Variants in GLRB observed in about 807,000 individuals in gnomAD.
GLRB encodes the protein glycine receptor beta, also known as glycine receptor subunit beta.
GLRB carries 33 observed loss-of-function variants against 54.2 expected under a neutral mutation model. That is an observed-to-expected ratio of 0.61 (90% CI 0.46 to 0.81). The LOEUF (loss-of-function observed/expected upper bound fraction) is 0.81. GLRB is among the 40% of genes least tolerant of loss of function. The pLI is 0.00. For missense variants in GLRB, 572 were observed against 584.6 expected (o/e 0.98, Z 0.22); for synonymous variants, 209 against 208.2 (o/e 1.00, Z -0.03).
chr4:157,154,606 C>T (rs1731694469), intron 9 of GLRB, among the ~76,000 whole-genome samples: 1 of 151,492 alleles, frequency 6.6e-6, no homozygotes, highest in Non-Finnish European at 1.5e-5. Flanking sequence ...TTTGTATTTT[C>T]AGTAGAGATG....
At chr4:157,128,624 A>AC (rs1182750721) in intron 4 of GLRB, among the ~76,000 whole-genome samples, 1 of 151,796 alleles carries the variant, frequency 6.6e-6, no homozygotes, top group Non-Finnish European at 1.5e-5. Flanking sequence ...GCACCATAGC[A>AC]CCACCTAGCA....
chr4:157,078,514 A>T (rs898704233), intron 2 of GLRB, among the ~76,000 whole-genome samples: 16 of 150,580 alleles, frequency 1.1e-4, no homozygotes, highest in South Asian at 2.1e-4. Flanking sequence ...GTTTTTTTTT[A>T]AAAAAACCCT....
At chr4:157,166,685 G>A (rs1037105774) in intron 9 of GLRB, among the ~76,000 whole-genome samples, 4 of 151,944 alleles carry the variant, frequency 2.6e-5, no homozygotes, top group African/African-American at 9.7e-5. Flanking sequence ...ATATATCTCC[G>A]AGAGACGTTT....
At chr4:157,158,548 G>A (rs985986496) in intron 9 of GLRB, among the ~76,000 whole-genome samples, 10 of 152,030 alleles carry the variant, frequency 6.6e-5, no homozygotes, top group Non-Finnish European at 1.3e-4. Context: ...CTTTCCACAT[G>A]TGGCTAGCCA....
chr4:157,105,186 G>A (rs1410175228), intron 2 of GLRB, among the ~76,000 whole-genome samples: 1 of 150,926 alleles, frequency 6.6e-6, no homozygotes, highest in Non-Finnish European at 1.5e-5. Flanking sequence ...TATATTATAA[G>A]CTTCCCTCTT....
In GLRB at chr4:157,138,904, G is replaced by C. The variant is rs1736509779; in HGVS notation, c.706G>C (p.Glu236Gln). 3 of 1,478,052 alleles carry C rather than the reference G, an allele frequency of 2.0e-6. No individual in the cohort carries two copies. The highest frequency in any genetic ancestry group is 1.4e-5 in the African/African-American group (1 of 72,156). 91.6% of individuals were successfully genotyped at this position (1,478,052 alleles called of 1,614,324 possible). The change falls in exon 7 of 10, where the codon GAA (glutamate) becomes CAA (glutamine). Residue 236 changes from glutamate (E) to glutamine (Q), a missense_variant. Transcript: ENST00000264428. The stretch of plus-strand genomic sequence containing the variant: ...CTTGCCTCAATTTGATATCAAAAAG[G>C]AAGATATTGAATATGGTAACTGTAC... ...IALPQFDIKK[E>Q]DIEYGNCTKY...
At chr4:157,105,268 A>G (rs564941836) in intron 2 of GLRB, among the ~76,000 whole-genome samples, 40 of 151,938 alleles carry the variant, frequency 2.6e-4, no homozygotes, top group South Asian at 1.2e-3. Context: ...TCTAATTTTA[A>G]TATTTTTCAT....
Position 157,170,896 on chromosome 4 carries a change from A to G in GLRB, c.*168A>G, listed in dbSNP as rs1298970921. 1 of 560,080 alleles carries G rather than the reference A, an allele frequency of 1.8e-6. No individual in the cohort carries two copies. The highest frequency in any genetic ancestry group is 1.9e-5 in the African/African-American group (1 of 53,198). The allele number at this position is 560,080 out of a possible 1,614,324, so 34.7% of individuals were successfully genotyped here. A position where few individuals can be genotyped will look rare whatever the true frequency, so the allele number is the denominator to read the frequency against. On this transcript the variant is annotated 3_prime_UTR_variant, in exon 10 of 10. Transcript: ENST00000264428. ...CTTAATTTTGAATGGCAGCATGATC[A>G]TGTAATATCTGTGCTCTAATAACGA...
rs2126637962 is a variant in GLRB at position 157,170,624 on chromosome 4, C to A, written c.1390C>A (p.Pro464Thr). The stretch of plus-strand genomic sequence containing the variant: ...CAACAAGAAGCCTCCCCCTGCGAAA[C>A]CTGTTATTCCAACAGCAGCAAAGCG... ...KNNKKPPPAK[P>T]VIPTAAKRID... is the part of the protein sequence containing the mutation. The change falls in exon 10 of 10, where the codon CCT becomes ACT. Residue 464 changes from proline (P) to threonine (T), a missense_variant. Coordinates refer to ENST00000264428, the MANE Select transcript of GLRB (RefSeq NM_000824.5). 1.2e-6 allele frequency: 2 copies of A among 1,612,398 alleles called. No homozygotes were observed. Among genetic ancestry groups the A allele is most frequent in the Non-Finnish European group, 1.7e-6 (2 of 1,178,726 alleles).
chr4:157,113,445 T>C lies in GLRB; in HGVS notation c.123-7111T>C, dbSNP rs78254731. Among the ~76,000 whole-genome samples, 941 of 152,008 alleles carry C rather than the reference T, an allele frequency of 6.2e-3. 22 individuals are homozygous for C. The East Asian group carries it at 0.1, about 17-fold the overall frequency. On this transcript the variant is annotated intron_variant, in intron 2 of 9. Coordinates refer to ENST00000264428, the MANE Select transcript of GLRB (RefSeq NM_000824.5). ...TATAATGTTTTACAGTTGAGCAATATACGGTATAAATAGAAGATACTTCTA... is the reference window on the plus strand; with the variant it reads ...TATAATGTTTTACAGTTGAGCAATACACGGTATAAATAGAAGATACTTCTA...
intron 2 of GLRB, among the ~76,000 whole-genome samples, chr4:157,080,634 T>TACAGA (rs1734189413): frequency 6.6e-6 from 1 of 152,224 alleles, no homozygotes; most frequent in Non-Finnish European, 1.5e-5. Context: ...TCTCAGAGAA[T>TACAGA]GATCCAGTTT....
intron 9 of GLRB, among the ~76,000 whole-genome samples, chr4:157,158,547 T>A (rs1259977262): frequency 6.6e-6 from 1 of 152,232 alleles, no homozygotes; most frequent in Non-Finnish European, 1.5e-5. Context: ...GCTTTCCACA[T>A]GTGGCTAGCC....
intron 2 of GLRB, among the ~76,000 whole-genome samples, chr4:157,089,107 C>T (rs745756972): frequency 9.9e-5 from 15 of 152,142 alleles, no homozygotes; most frequent in Non-Finnish European, 1.8e-4. Flanking sequence ...ATAAAGATTT[C>T]GGCTGGGTGC....
chr4:157,160,737 G>A (rs1737449752), intron 9 of GLRB, among the ~76,000 whole-genome samples: 1 of 152,030 alleles, frequency 6.6e-6, no homozygotes, highest in Admixed American at 6.6e-5. Context: ...TTGCTGAGGA[G>A]TGCTTTACTT....
At chr4:157,134,291 T>C (rs888215663) in intron 4 of GLRB, among the ~76,000 whole-genome samples, 1 of 152,042 alleles carries the variant, frequency 6.6e-6, no homozygotes, top group African/African-American at 2.4e-5. Context: ...GTATGGTGGC[T>C]CATGTCTATA....
chr4:157,170,323 T>C (rs1737870349), intron 9 of GLRB, 109 bp from the exon 10 acceptor site: 4 of 685,840 alleles, frequency 5.8e-6, no homozygotes, highest in East Asian at 2.7e-5. Context: ...CTTTGTGACA[T>C]AAGCAAATGC....
chr4:157,122,612 C>T (rs1735871703), intron 4 of GLRB, among the ~76,000 whole-genome samples: 1 of 151,630 alleles, frequency 6.6e-6, no homozygotes, highest in Admixed American at 6.6e-5. Context: ...TTAAAACTTA[C>T]AGACTTAAAA....
intron 2 of GLRB, among the ~76,000 whole-genome samples, chr4:157,104,725 T>C (rs1395237839): frequency 6.6e-6 from 1 of 152,056 alleles, no homozygotes; most frequent in Non-Finnish European, 1.5e-5. Flanking sequence ...ACTGATTCAA[T>C]CCCTTTACTA....
At chr4:157,089,920 G>C (rs1173311071) in intron 2 of GLRB, among the ~76,000 whole-genome samples, 5 of 152,098 alleles carry the variant, frequency 3.3e-5, no homozygotes, top group Admixed American at 3.3e-4. Flanking sequence ...AATCCTTCAT[G>C]CCCTTTCACT....
Sources: gnomAD v4.1 joint callset for allele counts (sites outside exome capture counted in the v4.1 genomes callset) on GRCh38, gnomAD v4.1.1 for gene constraint, MANE v1.5 for transcripts, NCBI Gene and HGNC (gene_info 2026-07-23, HGNC 2026-07-21) for gene names.